The following SH3D19 variants were observed in gnomAD, a reference collection of about 807,000 sequenced individuals.
SH3D19 encodes the protein SH3 domain-containing protein 19.
In SH3D19, 58 loss-of-function variants were observed where a neutral mutation model predicts 112.1. The observed-to-expected ratio is 0.52, with a 90% CI of 0.42 to 0.64. The LOEUF is 0.64. Ranked by LOEUF, SH3D19 falls within the 30% of genes least tolerant of loss-of-function variation. SH3D19 has a pLI of 0.00. For synonymous variants in SH3D19, 391 were observed against 448.5 expected (o/e 0.87, Z 1.62); for missense variants, 1,090 against 1,263.4 (o/e 0.86, Z 2.08).
intron 2 of SH3D19, among the ~76,000 whole-genome samples, chr4:151,221,691 C>T (rs1002882961): frequency 1.2e-4 from 19 of 152,270 alleles, no homozygotes; most frequent in East Asian, 1.2e-3. Context: ...GTGGGCCAGG[C>T]AATCTACTAA....
intron 1 of SH3D19, among the ~76,000 whole-genome samples, chr4:151,257,234 C>T (rs1411881934): frequency 3.9e-5 from 6 of 151,952 alleles, no homozygotes; most frequent in Non-Finnish European, 7.4e-5. Flanking sequence ...ACTACAGGCA[C>T]GTGTCACCAT....
chr4:151,174,893 A>T lies in SH3D19; in HGVS notation c.1311T>A (p.Pro437=). The T allele has an allele frequency of 6.2e-7, 1 of 1,612,584 alleles. No homozygotes were observed. Among genetic ancestry groups the T allele is most frequent in the Non-Finnish European group, 8.5e-7 (1 of 1,179,074 alleles). ...CAGTGACAGGTTTCAGTGGAGCTGAAGGGTAGGTGGGGTTTTCTGAGGAAA... is the reference window on the plus strand; with the variant it reads ...CAGTGACAGGTTTCAGTGGAGCTGATGGGTAGGTGGGGTTTTCTGAGGAAA... The part of the protein sequence containing the change: ...KSVSSENPTY[P]SAPLKPVTVP... Residue 437 remains proline, a synonymous_variant, in exon 7 of 20, where the codon CCT becomes CCA. Coordinates refer to ENST00000604030, the MANE Select transcript of SH3D19 (RefSeq NM_001378122.1).
At chr4:151,144,144 A>T (rs891184565) in intron 11 of SH3D19, 94 bp from the exon 12 acceptor site, 1 of 1,587,672 alleles carries the variant, frequency 6.3e-7, no homozygotes, top group Non-Finnish European at 8.6e-7. Flanking sequence ...AAAGCATTTA[A>T]TAATGTGTAA....
chr4:151,318,521 C>T (rs958677332), intron 1 of SH3D19, among the ~76,000 whole-genome samples: 7 of 152,102 alleles, frequency 4.6e-5, no homozygotes, highest in Admixed American at 2.0e-4. Context: ...TGCAGATTTA[C>T]CTTCTTTTTC....
chr4:151,150,428 G>A (rs532621479), intron 9 of SH3D19, among the ~76,000 whole-genome samples: 14 of 150,856 alleles, frequency 9.3e-5, no homozygotes, highest in African/African-American at 3.4e-4. Flanking sequence ...CATAGTAAGA[G>A]GGATGGTTAT....
chr4:151,152,467 T>C (rs956350296), intron 9 of SH3D19, among the ~76,000 whole-genome samples: 1 of 152,022 alleles, frequency 6.6e-6, no homozygotes. Context: ...ACTGGAATAA[T>C]ATTCCAATTT....
intron 2 of SH3D19, among the ~76,000 whole-genome samples, chr4:151,210,315 C>T (rs992067443): frequency 2.6e-5 from 4 of 150,954 alleles, no homozygotes; most frequent in Non-Finnish European, 4.4e-5. Context: ...TGGTATACTA[C>T]ATGATGAAAT....
At chr4:151,267,794 C>G (rs945302014) in intron 1 of SH3D19, among the ~76,000 whole-genome samples, 2 of 151,980 alleles carry the variant, frequency 1.3e-5, no homozygotes, top group Non-Finnish European at 2.9e-5. Context: ...ACCAGTCCCC[C>G]CTGTAAAGGG....
At chr4:151,318,300 C>CAAAAA (rs752720803) in intron 1 of SH3D19, among the ~76,000 whole-genome samples, 48 of 53,582 alleles carry the variant, frequency 9.0e-4, no homozygotes, top group Middle Eastern at 9.4e-3. Flanking sequence ...GACTCTGACT[C>CAAAAA]AAAAAAAAAA....
chr4:151,277,179 C>A, intron 1 of SH3D19: 1 of 1,486,044 alleles, frequency 6.7e-7, no homozygotes. Context: ...AGACATGGGC[C>A]CTGCTGGCTG....
intron 1 of SH3D19, among the ~76,000 whole-genome samples, chr4:151,303,293 G>A (rs532969473): frequency 6.6e-6 from 1 of 152,210 alleles, no homozygotes; most frequent in African/African-American, 2.4e-5. Flanking sequence ...ATCTTCAGAG[G>A]AAACACAATT....
At chr4:151,220,080 C>T (rs1270285956) in intron 2 of SH3D19, among the ~76,000 whole-genome samples, 1 of 152,222 alleles carries the variant, frequency 6.6e-6, no homozygotes, top group Admixed American at 6.5e-5. Flanking sequence ...TGACACAGAA[C>T]TCTATGCATT....
At chr4:151,211,029 C>T (rs528524988) in intron 2 of SH3D19, among the ~76,000 whole-genome samples, 37 of 152,144 alleles carry the variant, frequency 2.4e-4, no homozygotes, top group Non-Finnish European at 4.9e-4. Context: ...GTCTCTACTA[C>T]AAATATCTGA....
At chr4:151,282,321 T>C in intron 1 of SH3D19, 1 of 1,613,964 alleles carries the variant, frequency 6.2e-7, no homozygotes, top group Non-Finnish European at 8.5e-7. Context: ...ACTTCTGCCA[T>C]CCTGCCTATT....
intron 1 of SH3D19, among the ~76,000 whole-genome samples, chr4:151,253,103 ATAC>A (rs1207153475): frequency 6.6e-6 from 1 of 152,212 alleles, no homozygotes; most frequent in Admixed American, 6.5e-5. Context: ...CTATCTTCCC[ATAC>A]TACTAAGAAT....
Position 151,266,036 on chromosome 4 carries a change from T to C in SH3D19, c.113-39950A>G, listed in dbSNP as rs563537434. 2.6e-5 allele frequency: 4 copies of C among 152,258 alleles called. No individual in the cohort carries two copies. The East Asian group carries it at 5.8e-4, about 22-fold the overall frequency. 9.4% of individuals were successfully genotyped at this position (152,258 alleles called of 1,614,324 possible). ...CAAGTAAAATAACACACATAATGGATGAGATAGTTACATGTAGGACAAACC... is the reference window on the plus strand; with the variant it reads ...CAAGTAAAATAACACACATAATGGACGAGATAGTTACATGTAGGACAAACC... On this transcript the variant is annotated intron_variant, in intron 1 of 19. Coordinates refer to ENST00000604030, the MANE Select transcript of SH3D19 (RefSeq NM_001378122.1).
chr4:151,154,888 G>A (rs939480746), intron 9 of SH3D19, among the ~76,000 whole-genome samples: 2 of 152,028 alleles, frequency 1.3e-5, no homozygotes, highest in Non-Finnish European at 2.9e-5. Flanking sequence ...CTCCCAAGTA[G>A]ATGGGATTAC....
chr4:151,199,089 G>A (rs1323786710), intron 2 of SH3D19, among the ~76,000 whole-genome samples: 1 of 149,994 alleles, frequency 6.7e-6, no homozygotes, highest in East Asian at 1.9e-4. Flanking sequence ...TTTGGTAGCC[G>A]AAGGACATTA....
chr4:151,226,592 G>T, intron 1 of SH3D19: 1 of 486,432 alleles, frequency 2.1e-6, no homozygotes, highest in Non-Finnish European at 2.7e-6. Context: ...TTCAGAAGTT[G>T]GATTTCAATG....
Sources: allele counts gnomAD v4.1 joint callset (sites outside exome capture counted in the v4.1 genomes callset), GRCh38; gene constraint gnomAD v4.1.1; transcripts MANE v1.5; gene names NCBI Gene and HGNC (gene_info 2026-07-23, HGNC 2026-07-21).